Variants in PRKCE observed in about 807,000 individuals in gnomAD.
PRKCE encodes the protein protein kinase C epsilon.
In PRKCE, 16 loss-of-function variants were observed where a neutral mutation model predicts 85.4. That is an observed-to-expected ratio of 0.19 (90% confidence interval 0.13 to 0.28). PRKCE has a LOEUF of 0.28. PRKCE is among the 10% of genes least tolerant of loss of function. The pLI is 1.00. For missense variants in PRKCE, 573 were observed against 975.2 expected, an observed-to-expected ratio of 0.59 and a Z score of 5.49; for synonymous variants, 388 against 371.5, an observed-to-expected ratio of 1.04 and a Z score of -0.51.
At chr2:45,763,728 G>C (rs1040734916) in intron 1 of PRKCE, among the ~76,000 whole-genome samples, 5 of 152,122 alleles carry the variant, frequency 3.3e-5, no homozygotes, top group African/African-American at 1.2e-4. Context: ...AGTCAGGAAG[G>C]GCCCAAGGGA....
intron 13 of PRKCE, among the ~76,000 whole-genome samples, chr2:46,158,866 G>A (rs1677469887): frequency 6.6e-6 from 1 of 152,116 alleles, no homozygotes; most frequent in South Asian, 2.1e-4. Context: ...CCTCAGGACT[G>A]ACTCATTTAA....
At chr2:45,829,910 A>G (rs1437834186) in intron 1 of PRKCE, among the ~76,000 whole-genome samples, 1 of 151,656 alleles carries the variant, frequency 6.6e-6, no homozygotes, top group African/African-American at 2.4e-5. Context: ...CGTCTCTACT[A>G]AAAATACAAA....
intron 1 of PRKCE, among the ~76,000 whole-genome samples, chr2:45,809,206 C>T (rs1688475160): frequency 6.6e-6 from 1 of 152,098 alleles, no homozygotes; most frequent in Non-Finnish European, 1.5e-5. Context: ...CTAAATCCTC[C>T]CAGGAACAAG....
chr2:45,982,603 C>T (rs1442838460), intron 5 of PRKCE, among the ~76,000 whole-genome samples: 1 of 152,102 alleles, frequency 6.6e-6, no homozygotes, highest in Non-Finnish European at 1.5e-5. Context: ...TCTCCATGTT[C>T]TCTCTGTGAC....
rs1471207229 is a variant in PRKCE at position 45,725,628 on chromosome 2, C to CGA, written c.348+73183_348+73184dup. On this transcript the variant is annotated intron_variant, in intron 1 of 14. Transcript: ENST00000306156. ...CGGGCAGATCACGAGGTCAAGAGATCGAGACCATCCTGGCCAACATGGTGA... is the reference window on the plus strand; with the variant it reads ...CGGGCAGATCACGAGGTCAAGAGATCGAGAGACCATCCTGGCCAACATGGTGA... 2.6e-5 allele frequency among the ~76,000 whole-genome samples: 4 copies of CGA among 151,964 alleles called. No homozygotes were observed. In the East Asian group the frequency reaches 7.7e-4, roughly 29 times the overall value.
At chr2:45,705,585 G>GC (rs979985191) in intron 1 of PRKCE, among the ~76,000 whole-genome samples, 1 of 152,160 alleles carries the variant, frequency 6.6e-6, no homozygotes, top group African/African-American at 2.4e-5. Context: ...AGGATTGTCT[G>GC]TTTTTTTCCA....
intron 10 of PRKCE, among the ~76,000 whole-genome samples, chr2:46,015,957 C>G (rs1706108110): frequency 6.6e-6 from 1 of 152,138 alleles, no homozygotes; most frequent in African/African-American, 2.4e-5. Flanking sequence ...AGGCAGCCAC[C>G]TGGGAATCAA....
intron 1 of PRKCE, among the ~76,000 whole-genome samples, chr2:45,703,538 T>TA (rs35768098): frequency 0.26 from 36,864 of 144,194 alleles, 5,265 homozygotes; most frequent in Middle Eastern, 0.34. Flanking sequence ...ACCTTGTCTC[T>TA]AAAAAAAAAA....
At chr2:45,682,245 C>A (rs1199606486) in intron 1 of PRKCE, among the ~76,000 whole-genome samples, 5 of 152,016 alleles carry the variant, frequency 3.3e-5, no homozygotes, top group Non-Finnish European at 7.4e-5. Context: ...TGATTTCTAA[C>A]TCATTTTTTA....
chr2:45,776,062 C>T (rs1389707825), intron 1 of PRKCE, among the ~76,000 whole-genome samples: 1 of 152,240 alleles, frequency 6.6e-6, no homozygotes, highest in Non-Finnish European at 1.5e-5. Context: ...TTCCCCCATC[C>T]TGATCTCCTT....
intron 1 of PRKCE, among the ~76,000 whole-genome samples, chr2:45,781,187 A>C (rs190780290): frequency 1.3e-5 from 2 of 151,972 alleles, no homozygotes; most frequent in East Asian, 3.9e-4. Context: ...TAATAATAAA[A>C]AAAAAAGCCT....
chr2:45,943,412 C>T lies in PRKCE; in HGVS notation c.413-33017C>T, dbSNP rs569299467. ...AAAAGAGGGATAGGGCAGAGGGCCA[C>T]GGAACTCACTGTGAGCCCCTCTAGC... On this transcript the variant is annotated intron_variant, in intron 2 of 14. Transcript: ENST00000306156. Among the ~76,000 whole-genome samples the T allele has an allele frequency of 3.9e-5, 6 of 152,328 alleles. No individual in the cohort carries two copies. The South Asian group carries it at 6.2e-4, about 16-fold the overall frequency.
chr2:45,987,729 C>T (rs1174911459), intron 6 of PRKCE, among the ~76,000 whole-genome samples: 1 of 152,202 alleles, frequency 6.6e-6, no homozygotes, highest in Non-Finnish European at 1.5e-5. Flanking sequence ...TGGATTTGGA[C>T]AAATGGACAG....
At chr2:46,086,177 A>T in intron 10 of PRKCE, 31 bp from the exon 11 acceptor site, 1 of 1,596,652 alleles carries the variant, frequency 6.3e-7, no homozygotes. Flanking sequence ...CAATCAAATG[A>T]CCCAAATGGC....
chr2:46,097,537 A>T (rs1013776502), intron 11 of PRKCE, among the ~76,000 whole-genome samples: 8 of 143,740 alleles, frequency 5.6e-5, no homozygotes, highest in Non-Finnish European at 1.2e-4. Context: ...AAAAAAAAAA[A>T]GCTGTGAAGT....
intron 13 of PRKCE, among the ~76,000 whole-genome samples, chr2:46,157,691 G>C (rs1253857216): frequency 6.6e-6 from 1 of 152,236 alleles, no homozygotes; most frequent in Non-Finnish European, 1.5e-5. Context: ...TGGCTCAGGG[G>C]CAGCTTCTTA....
intron 1 of PRKCE, among the ~76,000 whole-genome samples, chr2:45,741,626 T>G (rs1682579019): frequency 6.6e-6 from 1 of 150,626 alleles, no homozygotes; most frequent in African/African-American, 2.5e-5. Context: ...GATGGGCATG[T>G]GCACGTTTTG....
chr2:46,182,765 A>G (rs998325514), intron 14 of PRKCE, among the ~76,000 whole-genome samples: 6 of 152,176 alleles, frequency 3.9e-5, no homozygotes, highest in Non-Finnish European at 7.3e-5. Context: ...GTTACCCACT[A>G]TCTTCCCGGA....
chr2:46,153,222 T>A (rs1222485142), intron 13 of PRKCE, among the ~76,000 whole-genome samples: 4 of 152,326 alleles, frequency 2.6e-5, no homozygotes, highest in Admixed American at 2.6e-4. Context: ...TAGCCACAAT[T>A]GGGATAAGAG....
Sources: allele counts gnomAD v4.1 joint callset (sites outside exome capture counted in the v4.1 genomes callset), GRCh38; gene constraint gnomAD v4.1.1; transcripts MANE v1.5; gene names NCBI Gene and HGNC (gene_info 2026-07-23, HGNC 2026-07-21).